Variants in CTNND2 observed in about 807,000 individuals in gnomAD.
The protein encoded by CTNND2 is catenin delta 2.
A neutral mutation model predicts 144.4 loss-of-function variants in CTNND2; 22 were observed. That is an observed-to-expected ratio of 0.15 (90% confidence interval 0.11 to 0.22). The LOEUF (loss-of-function observed/expected upper bound fraction) is 0.22, where lower values mean the gene tolerates loss of function less well. Among genes scored for constraint, CTNND2 ranks in the 10% least tolerant of loss-of-function variants. The probability of loss-of-function intolerance (pLI) is 1.00; values close to 1 mark genes in which losing one functional copy is unlikely to be tolerated. For missense variants in CTNND2, 1,353 were observed against 1,618.8 expected (o/e 0.84, Z 2.82); for synonymous variants, 751 against 695.6 (o/e 1.08, Z -1.25).
chr5:11,737,255 C>T (rs997833571), intron 1 of CTNND2, among the ~76,000 whole-genome samples: 1 of 152,150 alleles, frequency 6.6e-6, no homozygotes, highest in African/African-American at 2.4e-5. Flanking sequence ...CAGGCTTTTG[C>T]CAACCTGATA....
chr5:11,378,841 G>C (rs904784892), intron 7 of CTNND2, among the ~76,000 whole-genome samples: 5 of 151,962 alleles, frequency 3.3e-5, no homozygotes, highest in Non-Finnish European at 7.4e-5. Flanking sequence ...TCAGGGAATG[G>C]GTCTGAAATC....
intron 3 of CTNND2, among the ~76,000 whole-genome samples, chr5:11,416,212 T>C (rs757034490): frequency 2.0e-5 from 3 of 152,228 alleles, no homozygotes; most frequent in Non-Finnish European, 4.4e-5. Context: ...CTACACGTCA[T>C]GCTATTAGAT....
chr5:11,153,460 G>A (rs953529100), intron 12 of CTNND2, among the ~76,000 whole-genome samples: 6 of 152,134 alleles, frequency 3.9e-5, no homozygotes, highest in Non-Finnish European at 2.9e-5. Context: ...CTTCTTACCT[G>A]TGGCTAATGC....
intron 9 of CTNND2, among the ~76,000 whole-genome samples, chr5:11,300,318 A>G (rs1242027219): frequency 6.6e-6 from 1 of 152,180 alleles, no homozygotes; most frequent in African/African-American, 2.4e-5. Context: ...CACCCAAGGG[A>G]ACTTCACAGC....
chr5:11,736,035 T>C (rs1305296012), intron 1 of CTNND2, among the ~76,000 whole-genome samples: 3 of 152,200 alleles, frequency 2.0e-5, no homozygotes, highest in African/African-American at 4.8e-5. Flanking sequence ...GACAAAGAAA[T>C]TGTTTAAGGG....
intron 1 of CTNND2, among the ~76,000 whole-genome samples, chr5:11,861,319 G>A (rs1223425501): frequency 5.3e-5 from 8 of 152,020 alleles, no homozygotes; most frequent in East Asian, 1.9e-4. Flanking sequence ...TAACAGAACC[G>A]CAAAATAAAA....
chr5:11,451,944 A>T (rs1392298398), intron 3 of CTNND2, among the ~76,000 whole-genome samples: 1 of 152,228 alleles, frequency 6.6e-6, no homozygotes, highest in East Asian at 1.9e-4. Context: ...GCAACCATGG[A>T]ATTCCAAAGT....
intron 3 of CTNND2, among the ~76,000 whole-genome samples, chr5:11,469,978 A>G (rs190639745): frequency 6.6e-6 from 1 of 152,168 alleles, no homozygotes; most frequent in Non-Finnish European, 1.5e-5. Flanking sequence ...ACCGGAGTGC[A>G]TATCCTATGA....
chr5:11,373,412 C>T (rs1176288596), intron 7 of CTNND2, among the ~76,000 whole-genome samples: 8 of 152,128 alleles, frequency 5.3e-5, no homozygotes, highest in Admixed American at 3.3e-4. Context: ...TGGGCTGGAA[C>T]ATTTTTGCTA....
At chr5:11,793,032 A>G (rs1230604352) in intron 1 of CTNND2, among the ~76,000 whole-genome samples, 1 of 152,256 alleles carries the variant, frequency 6.6e-6, no homozygotes, top group Non-Finnish European at 1.5e-5. Context: ...ATGGCTAAAA[A>G]TTCTAATGCA....
chr5:11,190,430 G>A (rs939315764), intron 11 of CTNND2, among the ~76,000 whole-genome samples: 6 of 152,312 alleles, frequency 3.9e-5, no homozygotes, highest in African/African-American at 1.4e-4. Flanking sequence ...AAGCTGCCCT[G>A]ATCCAACGGC....
chr5:11,764,672 A>G (rs112470406), intron 1 of CTNND2, among the ~76,000 whole-genome samples: 69 of 152,306 alleles, frequency 4.5e-4, no homozygotes, highest in Non-Finnish European at 7.5e-4. Context: ...GGTTTCTTCA[A>G]CTTGTAACCA....
In CTNND2 at chr5:11,203,431, T is replaced by TTTTTG. The variant is rs563015091; in HGVS notation, c.1762-3775_1762-3771dup. Among the ~76,000 whole-genome samples the TTTTTG allele has an allele frequency of 5.2e-3, 785 of 151,992 alleles. 4 individuals are homozygous for TTTTTG. Among genetic ancestry groups the TTTTTG allele is most frequent in the Middle Eastern group, 6.8e-3 (2 of 294 alleles). On this transcript the variant is annotated intron_variant, in intron 10 of 21. Coordinates refer to ENST00000304623, the MANE Select transcript of CTNND2 (RefSeq NM_001332.4). ...CTTTAATCATCTTCATGCAAAATTGTTTTTGTTTTGTTTTGTTTTGTTTTG... is the reference window on the plus strand; with the variant it reads ...CTTTAATCATCTTCATGCAAAATTGTTTTTGTTTTGTTTTGTTTTGTTTTGTTTTG...
At chr5:11,636,273 G>A (rs562929101) in intron 2 of CTNND2, among the ~76,000 whole-genome samples, 107 of 152,104 alleles carry the variant, frequency 7.0e-4, no homozygotes, top group African/African-American at 1.9e-3. Context: ...ACCTCTGCCC[G>A]CTCCAGAATC....
At chr5:11,728,811 T>C (rs1003349466) in intron 2 of CTNND2, among the ~76,000 whole-genome samples, 3 of 152,204 alleles carry the variant, frequency 2.0e-5, no homozygotes, top group Admixed American at 6.5e-5. Context: ...TATTTTTTTC[T>C]ATTTTAAAAC....
At chr5:11,532,044 A>G (rs534174429) in intron 3 of CTNND2, among the ~76,000 whole-genome samples, 1 of 152,246 alleles carries the variant, frequency 6.6e-6, no homozygotes, top group South Asian at 2.1e-4. Context: ...CTTCAGGAAG[A>G]GCCAGACATT....
intron 1 of CTNND2, among the ~76,000 whole-genome samples, chr5:11,901,928 G>T (rs1018096048): frequency 1.3e-5 from 2 of 152,202 alleles, no homozygotes; most frequent in African/African-American, 2.4e-5. Flanking sequence ...GCTTTTGAAA[G>T]AAATTTTATA....
At chr5:11,097,509 C>T (rs1751471439) in intron 15 of CTNND2, among the ~76,000 whole-genome samples, 1 of 152,100 alleles carries the variant, frequency 6.6e-6, no homozygotes, top group African/African-American at 2.4e-5. Context: ...GGGCCTGGCA[C>T]CCATGAGCTG....
Position 11,111,000 on chromosome 5 carries a change from C to T in CTNND2, c.2321G>A (p.Arg774Gln), listed in dbSNP as rs1752912327. The T allele has an allele frequency of 3.1e-6, 5 of 1,613,976 alleles. No homozygotes were observed. Among genetic ancestry groups the T allele is most frequent in the Admixed American group, 3.3e-5 (2 of 59,992 alleles). Residue 774 changes from arginine to glutamine, a missense_variant, in exon 14 of 22, where the codon CGG becomes CAG. Physicochemically the swap from Arg to Gln is conservative, Grantham distance 43 (BLOSUM62 1). This residue lies in a region of CTNND2 where 459 missense variants were observed against 674.3 expected (regional missense o/e 0.68). Coordinates refer to ENST00000304623, the MANE Select transcript of CTNND2 (RefSeq NM_001332.4). Reference protein sequence around the residue: ...CVCILRNLSYRLAAETSQGQH... With the variant: ...CVCILRNLSYQLAAETSQGQH... ...TCCCTGAGACGTTTCTGCCGCCAGC[C>T]GGTACGAGAGGTTCCTTAAAATGCA...
Sources: gnomAD v4.1 joint callset for allele counts (sites outside exome capture counted in the v4.1 genomes callset) on GRCh38, gnomAD v4.1.1 for gene constraint, gnomAD v4.1.1 regional missense constraint, MANE v1.5 for transcripts, NCBI Gene and HGNC (gene_info 2026-07-23, HGNC 2026-07-21) for gene names.